Variants in ANKS1B observed in about 807,000 individuals in gnomAD.
The protein encoded by ANKS1B is ankyrin repeat and sterile alpha motif domain containing 1B, also known as ankyrin repeat and sterile alpha motif domain-containing protein 1B.
Under a neutral mutation model 148.3 loss-of-function variants are expected in ANKS1B, and 36 were observed. The observed-to-expected ratio is 0.24, with a 90% CI of 0.19 to 0.32. The LOEUF (loss-of-function observed/expected upper bound fraction) is 0.32. ANKS1B is among the 10% of genes least tolerant of loss of function. The pLI, the probability that ANKS1B is intolerant of heterozygous loss-of-function variation, is 1.00. For synonymous variants in ANKS1B, 542 were observed against 560.8 expected (o/e 0.97, Z 0.47); for missense variants, 1,157 against 1,542.6 (o/e 0.75, Z 4.19).
intron 15 of ANKS1B, among the ~76,000 whole-genome samples, chr12:99,090,151 G>T (rs1426762854): frequency 6.6e-6 from 1 of 152,162 alleles, no homozygotes; most frequent in Non-Finnish European, 1.5e-5. Context: ...AGAATGAAAA[G>T]CAGTGTTTTG....
chr12:99,587,156 T>A (rs1290138577), intron 9 of ANKS1B, among the ~76,000 whole-genome samples: 1 of 152,162 alleles, frequency 6.6e-6, no homozygotes, highest in Non-Finnish European at 1.5e-5. Context: ...ATCTTACTAC[T>A]TTTTGTCTAA....
intron 12 of ANKS1B, among the ~76,000 whole-genome samples, chr12:99,394,939 C>A (rs1189946862): frequency 1.3e-5 from 2 of 152,172 alleles, no homozygotes; most frequent in African/African-American, 4.8e-5. Flanking sequence ...TTCCCCAAAT[C>A]TCTTGTGTGT....
At chr12:99,798,423 TAAAA>T (rs61020616) in intron 4 of ANKS1B, among the ~76,000 whole-genome samples, 1,013 of 78,630 alleles carry the variant, frequency 0.013, 10 homozygotes, top group African/African-American at 0.042. Context: ...CTCTTGGAAT[TAAAA>T]AAAAAAAAAA....
At chr12:98,773,243 A>G in intron 24 of ANKS1B, 64 bp from the exon 25 acceptor site, 3 of 1,521,070 alleles carry the variant, frequency 2.0e-6, no homozygotes, top group Non-Finnish European at 1.8e-6. Flanking sequence ...GACAACCAAG[A>G]CAAGTAACCC....
At chr12:99,612,267 T>C (rs922198777) in intron 9 of ANKS1B, among the ~76,000 whole-genome samples, 4 of 152,130 alleles carry the variant, frequency 2.6e-5, no homozygotes, top group African/African-American at 7.2e-5. Context: ...TTATTTGACA[T>C]AGTGTCACAC....
chr12:99,431,758 A>T (rs2095375609), intron 11 of ANKS1B, among the ~76,000 whole-genome samples: 1 of 152,226 alleles, frequency 6.6e-6, no homozygotes. Flanking sequence ...GCACTTAAGT[A>T]AAAAGATTCT....
intron 12 of ANKS1B, among the ~76,000 whole-genome samples, chr12:99,316,893 G>A (rs530492322): frequency 6.6e-6 from 1 of 152,292 alleles, no homozygotes; most frequent in Non-Finnish European, 1.5e-5. Flanking sequence ...CATGTGGCTA[G>A]CCAGTTTTCC....
intron 14 of ANKS1B, among the ~76,000 whole-genome samples, chr12:99,176,403 T>TA (rs2078385895): frequency 1.3e-5 from 2 of 152,328 alleles, no homozygotes; most frequent in African/African-American, 4.8e-5. Flanking sequence ...CATGTCATTA[T>TA]AGGCACTTTT....
At chr12:99,779,827 T>C (rs2064068725) in intron 6 of ANKS1B, 44 bp downstream of exon 6, 8 of 1,435,836 alleles carry the variant, frequency 5.6e-6, no homozygotes, top group Non-Finnish European at 7.8e-6. Context: ...TTTAATCTCA[T>C]CTTAACTTTA....
intron 17 of ANKS1B, among the ~76,000 whole-genome samples, chr12:98,858,322 G>A (rs1274462916): frequency 6.6e-6 from 1 of 152,208 alleles, no homozygotes; most frequent in East Asian, 1.9e-4. Flanking sequence ...CTGGTCAGAT[G>A]AATGTAAGAG....
intron 12 of ANKS1B, among the ~76,000 whole-genome samples, chr12:99,258,143 G>A (rs187894577): frequency 1.6e-4 from 24 of 152,160 alleles, no homozygotes; most frequent in Non-Finnish European, 3.2e-4. Context: ...AGTTTTTAAC[G>A]TGACTCTTTA....
At chr12:99,504,706 A>AATTCTT in intron 9 of ANKS1B, 65 bp from the exon 10 acceptor site, 1 of 1,232,462 alleles carries the variant, frequency 8.1e-7, no homozygotes, top group Non-Finnish European at 1.1e-6. Context: ...ATTTATAAAA[A>AATTCTT]CTAGAAAAGA....
At chr12:98,740,347 C>A (rs561636853), downstream of ANKS1B, among the ~76,000 whole-genome samples, 1 of 152,080 alleles carries the variant, frequency 6.6e-6, no homozygotes, top group Non-Finnish European at 1.5e-5. Flanking sequence ...CATTGCCAGT[C>A]TCCTCCTTTA....
chr12:99,009,176 G>A (rs914245041), intron 17 of ANKS1B, among the ~76,000 whole-genome samples: 6 of 152,206 alleles, frequency 3.9e-5, no homozygotes, highest in Non-Finnish European at 5.9e-5. Flanking sequence ...GGGACAACTC[G>A]TTCAGCAGCC....
intron 9 of ANKS1B, among the ~76,000 whole-genome samples, chr12:99,605,676 A>C (rs2097846432): frequency 6.6e-6 from 1 of 152,084 alleles, no homozygotes; most frequent in Non-Finnish European, 1.5e-5. Flanking sequence ...ATTCTTTTTT[A>C]TAGTTGAACA....
intron 9 of ANKS1B, among the ~76,000 whole-genome samples, chr12:99,564,448 TA>T (rs1304792532): frequency 6.6e-6 from 1 of 151,810 alleles, no homozygotes; most frequent in East Asian, 1.9e-4. Flanking sequence ...AAATAAATGA[TA>T]AAATTAATAA....
At chr12:99,709,807 GC>G (rs1414291359) in intron 8 of ANKS1B, among the ~76,000 whole-genome samples, 1 of 152,012 alleles carries the variant, frequency 6.6e-6, no homozygotes, top group Non-Finnish European at 1.5e-5. Context: ...AGTGTGCTGG[GC>G]CCCATTTAGT....
intron 17 of ANKS1B, among the ~76,000 whole-genome samples, chr12:98,868,490 C>G (rs1056000662): frequency 2.6e-5 from 4 of 152,236 alleles, no homozygotes; most frequent in Non-Finnish European, 4.4e-5. Flanking sequence ...GAGCATGAAG[C>G]ATTCAGATGT....
chr12:99,691,261 G>A (rs1231768207), intron 8 of ANKS1B, among the ~76,000 whole-genome samples: 2 of 152,280 alleles, frequency 1.3e-5, no homozygotes, highest in South Asian at 2.1e-4. Flanking sequence ...TTCTATGAAC[G>A]TCTCTGATAT....
Sources: allele counts gnomAD v4.1 joint callset (sites outside exome capture counted in the v4.1 genomes callset), GRCh38; gene constraint gnomAD v4.1.1; transcripts MANE v1.5; gene names NCBI Gene and HGNC (gene_info 2026-07-23, HGNC 2026-07-21).